Variants in PSME4 observed in about 807,000 individuals in gnomAD.
The protein encoded by PSME4 is proteasome activator complex subunit 4.
In PSME4, 89 loss-of-function variants were observed where a neutral mutation model predicts 253.9. That is an observed-to-expected ratio of 0.35 (90% CI 0.30 to 0.42). The LOEUF (loss-of-function observed/expected upper bound fraction) is 0.42, where lower values mean the gene tolerates loss of function less well. Among genes scored for constraint, PSME4 ranks in the 10% least tolerant of loss-of-function variants. PSME4 has a pLI of 1.00. For synonymous variants in PSME4, 851 were observed against 759.2 expected, an observed-to-expected ratio of 1.12 and a Z score of -1.99; for missense variants, 2,014 against 2,195.2, an observed-to-expected ratio of 0.92 and a Z score of 1.65.
chr2:53,949,415 A>C (rs1669872292), intron 1 of PSME4, 132 bp from the exon 2 acceptor site: 1 of 502,370 alleles, frequency 2.0e-6, no homozygotes, highest in Non-Finnish European at 3.4e-6. Context: ...TGGATAAGGA[A>C]AATGTGGCAT....
At chr2:53,925,305 T>C (rs184466847) in intron 14 of PSME4, among the ~76,000 whole-genome samples, 204 of 152,344 alleles carry the variant, frequency 1.3e-3, no homozygotes, top group Admixed American at 5.0e-3. Context: ...TTTAAGTAAC[T>C]GAATTTTTGT....
intron 21 of PSME4, 146 bp from the exon 22 acceptor site, chr2:53,908,986 G>C: frequency 1.8e-6 from 1 of 541,398 alleles, no homozygotes; most frequent in Non-Finnish European, 3.3e-6. Context: ...TTAATGGCTA[G>C]GCATGCTACA....
intron 40 of PSME4, among the ~76,000 whole-genome samples, chr2:53,886,327 T>C (rs1374182937): frequency 1.3e-5 from 2 of 152,220 alleles, no homozygotes; most frequent in East Asian, 1.9e-4. Context: ...GAGGATCTCT[T>C]GAGCCCCGGA....
chr2:53,969,136 A>G (rs1670897095), intron 1 of PSME4, among the ~76,000 whole-genome samples: 1 of 152,152 alleles, frequency 6.6e-6, no homozygotes, highest in African/African-American at 2.4e-5. Context: ...GATTTTAACT[A>G]TTTATAAAAT....
At chr2:53,897,481 A>G (rs1369688804) in intron 31 of PSME4, among the ~76,000 whole-genome samples, 1 of 152,002 alleles carries the variant, frequency 6.6e-6, no homozygotes, top group African/African-American at 2.4e-5. Flanking sequence ...GCCTCAGGGT[A>G]TTTTTAAAGG....
intron 18 of PSME4, 69 bp from the exon 19 acceptor site, chr2:53,920,419 A>G (rs1438035083): frequency 7.2e-7 from 1 of 1,380,234 alleles, no homozygotes; most frequent in East Asian, 2.4e-5. Context: ...CCACATACAT[A>G]TACACAATTT....
intron 28 of PSME4, 151 bp from the exon 29 acceptor site, chr2:53,900,168 C>A (rs1460192420): frequency 5.9e-5 from 46 of 773,648 alleles, no homozygotes; most frequent in Non-Finnish European, 9.0e-5. Flanking sequence ...TAATAATGGG[C>A]AAATTTATTG....
intron 41 of PSME4, among the ~76,000 whole-genome samples, chr2:53,880,508 C>T (rs192590779): frequency 6.6e-6 from 1 of 152,138 alleles, no homozygotes; most frequent in African/African-American, 2.4e-5. Flanking sequence ...CTCACATGTG[C>T]AAGATACTTA....
At position 53,923,333 on chromosome 2, in the gene PSME4, G is replaced by A. The variant is rs778504578; in HGVS notation, c.1896C>T (p.Arg632=). ...AAAATAAACTCACCTTTACAGCAGC[G>A]CGGCACATGTCTGCCACCATGCGAC... ...VAGRMVADMC[R]AAVKCCPEES... is the part of the protein sequence containing the mutation. Residue 632 remains arginine (R), a synonymous_variant, in exon 15 of 47, where the codon CGC becomes CGT. Transcript: ENST00000404125. 2.7e-5 allele frequency: 44 copies of A among 1,604,540 alleles called. No individual in the cohort carries two copies. Among genetic ancestry groups the A allele is most frequent in the Admixed American group, 2.4e-4 (14 of 57,290 alleles).
chr2:53,906,963 TC>T lies in PSME4; in HGVS notation c.2785-96del. 3.6e-6 allele frequency: 4 copies of T among 1,104,776 alleles called. No individual in the cohort carries two copies. The South Asian group carries it at 4.1e-5, about 11-fold the overall frequency. The allele number at this position is 1,104,776 out of a possible 1,614,324, so 68.4% of individuals were successfully genotyped here. A position where few individuals can be genotyped will look rare whatever the true frequency, so the allele number is the denominator to read the frequency against. The stretch of plus-strand genomic sequence containing the variant: ...ATACCTTAATAAGTGGTCAAAAAGG[TC>T]CCTGGTTGACTGGTGAGTGGTGGTG... On this transcript the variant is annotated intron_variant, in intron 24 of 46. Transcript: ENST00000404125.
chr2:53,952,309 G>A (rs566854655), intron 1 of PSME4, among the ~76,000 whole-genome samples: 4 of 152,222 alleles, frequency 2.6e-5, no homozygotes, highest in Non-Finnish European at 5.9e-5. Context: ...TTGGGAGGCC[G>A]AGGCAGACGG....
chr2:53,917,978 TCTC>T (rs1668133086), intron 20 of PSME4, among the ~76,000 whole-genome samples: 1 of 152,122 alleles, frequency 6.6e-6, no homozygotes. Context: ...GACCCTAACT[TCTC>T]CTTCTTAAAC....
At chr2:53,920,418 T>C in intron 18 of PSME4, 68 bp from the exon 19 acceptor site, 1 of 1,380,290 alleles carries the variant, frequency 7.2e-7, no homozygotes, top group Non-Finnish European at 9.7e-7. Flanking sequence ...CCCACATACA[T>C]ATACACAATT....
intron 20 of PSME4, among the ~76,000 whole-genome samples, chr2:53,917,665 C>T (rs1306346656): frequency 6.6e-6 from 1 of 152,124 alleles, no homozygotes; most frequent in Non-Finnish European, 1.5e-5. Flanking sequence ...TTGTTGACAC[C>T]TTCAAGCAGA....
At chr2:53,966,577 GATA>G (rs1670748082) in intron 1 of PSME4, among the ~76,000 whole-genome samples, 1 of 151,398 alleles carries the variant, frequency 6.6e-6, no homozygotes, top group South Asian at 2.1e-4. Flanking sequence ...AAAAAAAAAA[GATA>G]ATAATGTTGG....
In PSME4 at chr2:53,867,230, C is replaced by G. The variant is rs117231691; in HGVS notation, c.5264-350G>C. On this transcript the variant is annotated intron_variant, in intron 44 of 46. Transcript: ENST00000404125. ...TTTTAAAAATCAGCTGGTGGCCAGGCATGGTGGTTCATGCCTATAATCCCA... is the reference window on the plus strand; with the variant it reads ...TTTTAAAAATCAGCTGGTGGCCAGGGATGGTGGTTCATGCCTATAATCCCA... Among the ~76,000 whole-genome samples the G allele has an allele frequency of 2.6e-4, 40 of 152,182 alleles. No individual in the cohort carries two copies. The East Asian group carries it at 6.2e-3, about 24-fold the overall frequency.
At chr2:53,890,682 T>G (rs1558656118) in intron 36 of PSME4, among the ~76,000 whole-genome samples, 2 of 152,096 alleles carry the variant, frequency 1.3e-5, no homozygotes, top group Admixed American at 1.3e-4. Context: ...TAGGTGAAAT[T>G]TTTTCCCAAA....
At position 53,919,236 on chromosome 2, in the gene PSME4, G is replaced by A. The variant is rs760428969; in HGVS notation, c.2431C>T (p.Leu811=). Residue 811 remains leucine (L), a synonymous_variant, in exon 20 of 47, where the codon CTA becomes TTA. Transcript: ENST00000404125. The part of the protein sequence containing the change: ...GKLEMSRDDI[L]QSLTIVHNCL... ...TTGTGCACTATAGTCAGACTCTGTA[G>A]AATATCATCTCTAGAAAAAAAAAAA... 6.0e-5 allele frequency: 94 copies of A among 1,571,776 alleles called. No homozygotes were observed. The highest frequency in any genetic ancestry group is 7.6e-5 in the Non-Finnish European group (89 of 1,164,788).
At chr2:53,909,955 G>C in intron 21 of PSME4, 120 bp downstream of exon 21, 1 of 887,646 alleles carries the variant, frequency 1.1e-6, no homozygotes, top group Non-Finnish European at 1.9e-6. Flanking sequence ...GGGAGACAGA[G>C]TGAGACTCTG....
Sources: allele counts gnomAD v4.1 joint callset (sites outside exome capture counted in the v4.1 genomes callset), GRCh38; gene constraint gnomAD v4.1.1; transcripts MANE v1.5; gene names NCBI Gene and HGNC (gene_info 2026-07-23, HGNC 2026-07-21).